C11orf16: variants seen among roughly 807,000 people sequenced by gnomAD.
C11orf16 encodes uncharacterized protein C11orf16.
A neutral mutation model predicts 45.1 loss-of-function variants in C11orf16; 38 were observed. That is an observed-to-expected ratio of 0.84 (90% confidence interval 0.65 to 1.10). C11orf16 has a LOEUF of 1.10. C11orf16 is among the 50% of genes least tolerant of loss of function. The probability of loss-of-function intolerance (pLI) is 0.00; values close to 1 mark genes in which losing one functional copy is unlikely to be tolerated. For synonymous variants in C11orf16, 221 were observed against 222.0 expected (o/e 1.00, Z 0.04); for missense variants, 583 against 569.5 (o/e 1.02, Z -0.24).
rs753919732 is a variant in C11orf16, at chr11:8,925,986, C to A, written c.681G>T (p.Lys227Asn). ...GCCTGGGGTGCTCCCTGGTGAAAGACTTGTGCAGCCTCTCCACAGCCTTCT... is the reference window on the plus strand; with the variant it reads ...GCCTGGGGTGCTCCCTGGTGAAAGAATTGTGCAGCCTCTCCACAGCCTTCT... The part of the protein sequence containing the change: ...IWKKAVERLH[K>N]SFTREHPRPL... Residue 227 changes from lysine (K) to asparagine (N), a missense_variant, in exon 5 of 7, where the codon AAG (lysine) becomes AAT (asparagine). Transcript: ENST00000326053. 1.2e-5 allele frequency: 19 copies of A among 1,613,980 alleles called. No homozygotes were observed. The highest frequency in any genetic ancestry group is 1.6e-5 in the Non-Finnish European group (19 of 1,180,020).
chr11:8,922,149 C>T (rs1228292027), intron 5 of C11orf16, among the ~76,000 whole-genome samples: 1 of 152,180 alleles, frequency 6.6e-6, no homozygotes, highest in East Asian at 1.9e-4. Context: ...GGAGCTTCGA[C>T]ACCTTCACTG....
chr11:8,926,813 G>A, intron 4 of C11orf16, 127 bp downstream of exon 4: 1 of 664,556 alleles, frequency 1.5e-6, no homozygotes, highest in Non-Finnish European at 2.5e-6. Context: ...AGCAAGCAAG[G>A]GGGAAAAATT....
At chr11:8,932,115 T>A in intron 2 of C11orf16, 27 bp downstream of exon 2, 1 of 1,535,078 alleles carries the variant, frequency 6.5e-7, no homozygotes, top group Non-Finnish European at 8.8e-7. Context: ...GGGCATCCAC[T>A]TCCCCCAGAG....
chr11:8,925,980 GAA>G lies in C11orf16; in HGVS notation c.685_686del (p.Phe229HisfsTer26). 6.2e-7 allele frequency: 1 copy of G among 1,614,108 alleles called. No homozygotes were observed. Among genetic ancestry groups the G allele is most frequent in the South Asian group, 1.1e-5 (1 of 91,074 alleles). ...KKAVERLHKS[F>X]TREHPRPLHW... ...GAAGGGGCCTGGGGTGCTCCCTGGTGAAAGACTTGTGCAGCCTCTCCACAGCC... is the reference window on the plus strand; with the variant it reads ...GAAGGGGCCTGGGGTGCTCCCTGGTGAGACTTGTGCAGCCTCTCCACAGCC... On this transcript the variant is annotated frameshift_variant, in exon 5 of 7. Transcript: ENST00000326053. LOFTEE classifies it high-confidence loss of function.
At chr11:8,930,882 T>G (rs1355443302) in intron 2 of C11orf16, among the ~76,000 whole-genome samples, 1 of 152,234 alleles carries the variant, frequency 6.6e-6, no homozygotes, top group East Asian at 1.9e-4. Flanking sequence ...TGTTGGCATC[T>G]AAAGTCCCAT....
In C11orf16 at chr11:8,920,436, A is replaced by G. The variant is rs542397861; in HGVS notation, c.*37T>C. 2.4e-4 allele frequency: 164 copies of G among 678,254 alleles called. No individual in the cohort carries two copies. In the African/African-American group the frequency reaches 2.7e-3, roughly 11 times the overall value. The allele number at this position is 678,254 out of a possible 1,614,324, so 42.0% of individuals were successfully genotyped here. A position where few individuals can be genotyped will look rare whatever the true frequency, so the allele number is the denominator to read the frequency against. On this transcript the variant is annotated 3_prime_UTR_variant, in exon 7 of 7. Coordinates refer to ENST00000326053, the MANE Select transcript of C11orf16 (RefSeq NM_020643.3). ...GTATAACTCTCCTCGAATATTTACC[A>G]TGTTTATTCTTTACCTATAAAAGGG...
In C11orf16 at chr11:8,921,509, C is replaced by G. The variant is rs1394382270; in HGVS notation, c.1211G>C (p.Arg404Thr). Residue 404 changes from arginine to threonine, a missense_variant, in exon 6 of 7, where the codon AGA (arginine) becomes ACA (threonine). Transcript: ENST00000326053. ...TTCTTCTTTGCAGATGTTGGAATATCTTGTTCCTAAACCCAAAAGTCAATT... is the reference window on the plus strand; with the variant it reads ...TTCTTCTTTGCAGATGTTGGAATATGTTGTTCCTAAACCCAAAAGTCAATT... ...PEPCLGKPGTRYSNICKEEKD... is the reference protein window; with the variant it reads ...PEPCLGKPGTTYSNICKEEKD... 1.2e-6 allele frequency: 2 copies of G among 1,614,084 alleles called. No individual in the cohort carries two copies. The highest frequency in any genetic ancestry group is 1.7e-6 in the Non-Finnish European group (2 of 1,180,034).
rs776307559 is a variant in C11orf16, at chr11:8,925,782, T to C, written c.885A>G (p.Leu295=). ...CPPCGTTWWP[L]TRTSEVMARE... ...TGGCCATGACTTCTGAGGTCCTGGT[T>C]AGAGGCCACCAAGTCGTGCCACATG... The change falls in exon 5 of 7, where the codon CTA becomes CTG. Residue 295 remains leucine (L), a synonymous_variant. Coordinates refer to ENST00000326053, the MANE Select transcript of C11orf16 (RefSeq NM_020643.3). 1 of 1,614,216 alleles carries C rather than the reference T, an allele frequency of 6.2e-7. No individual in the cohort carries two copies. Among genetic ancestry groups the C allele is most frequent in the Non-Finnish European group, 8.5e-7 (1 of 1,180,034 alleles).
intron 1 of C11orf16, among the ~76,000 whole-genome samples, chr11:8,932,623 G>T (rs1298352812): frequency 2.6e-5 from 4 of 152,188 alleles, no homozygotes; most frequent in Non-Finnish European, 5.9e-5. Context: ...CTGCTCTCCA[G>T]TTACACTCAG....
At position 8,925,929 on chromosome 11, in the gene C11orf16, T is replaced by C. The variant is rs1216285452; in HGVS notation, c.738A>G (p.Leu246=). 5 of 1,614,024 alleles carry C rather than the reference T, an allele frequency of 3.1e-6. No individual in the cohort carries two copies. The African/African-American group carries it at 4.0e-5, about 13-fold the overall frequency. Residue 246 remains leucine, a synonymous_variant, in exon 5 of 7, where the codon CTA becomes CTG. Coordinates refer to ENST00000326053, the MANE Select transcript of C11orf16 (RefSeq NM_020643.3). ...TAGTGATGCGCCCAGTGATTGGCCC[T>C]AGCAGAGAGCAGCAAGGGGCCCAGT... is the stretch of plus-strand genomic sequence containing the variant. ...PLHWAPCCSL[L]GPITGRITNE...
chr11:8,929,537 G>GAAAAAAAAAA lies in C11orf16; in HGVS notation c.168-5_168-4insTTTTTTTTTT. 6.2e-7 allele frequency: 1 copy of GAAAAAAAAAA among 1,606,606 alleles called. No homozygotes were observed. Among genetic ancestry groups the GAAAAAAAAAA allele is most frequent in the Non-Finnish European group, 8.5e-7 (1 of 1,177,598 alleles). On this transcript the variant is annotated splice_region_variant and splice_polypyrimidine_tract_variant and intron_variant, in intron 2 of 6. Transcript: ENST00000326053. ...ACATGGGCAAGAAGAGGCATGCCTG[G>GAAAAAAAAAA]AAAAAAGCAAATGGAATTAGTGGAT...
intron 1 of C11orf16, 84 bp from the exon 2 acceptor site, chr11:8,932,410 T>A: frequency 8.6e-7 from 1 of 1,162,782 alleles, no homozygotes; most frequent in Non-Finnish European, 1.2e-6. Flanking sequence ...AGCTCTGCAG[T>A]TAGCTGCCTC....
rs1221072799 is a variant in C11orf16 at position 8,926,197 on chromosome 11, T to C, written c.560-90A>G. On this transcript the variant is annotated intron_variant, in intron 4 of 6. Coordinates refer to ENST00000326053, the MANE Select transcript of C11orf16 (RefSeq NM_020643.3). The stretch of plus-strand genomic sequence containing the variant: ...CTTTTTTTCTTTTCTTTTTTTTTTT[T>C]TTTTTTTGAGACAGGGTCTGGCTCA... The C allele has an allele frequency of 1.4e-4, 175 of 1,269,720 alleles. No homozygotes were observed. The East Asian group carries it at 4.4e-3, about 32-fold the overall frequency. 78.7% of individuals were successfully genotyped at this position (1,269,720 alleles called of 1,614,324 possible).
intron 3 of C11orf16, 156 bp downstream of exon 3, chr11:8,929,221 T>C: frequency 2.7e-6 from 2 of 752,736 alleles, no homozygotes; most frequent in South Asian, 2.0e-5. Flanking sequence ...ACTAATACAC[T>C]CAATGGTATT....
intron 2 of C11orf16, among the ~76,000 whole-genome samples, chr11:8,930,499 G>A (rs1211658320): frequency 6.6e-6 from 1 of 151,870 alleles, no homozygotes; most frequent in Non-Finnish European, 1.5e-5. Context: ...CCAGGATGAG[G>A]CGTGGAAGCT....
At chr11:8,927,899 T>A (rs567211781) in intron 3 of C11orf16, among the ~76,000 whole-genome samples, 2 of 152,220 alleles carry the variant, frequency 1.3e-5, no homozygotes, top group Non-Finnish European at 2.9e-5. Context: ...TATTAGTTAC[T>A]TGAAAATTGA....
Position 8,927,133 on chromosome 11 carries a change from A to T in C11orf16, c.366T>A (p.Pro122=), listed in dbSNP as rs3751065. Residue 122 remains proline, a synonymous_variant, in exon 4 of 7, where the codon CCT becomes CCA. Transcript: ENST00000326053. The part of the protein sequence containing the change: ...QGVLLVEFEA[P]LVAGPKLPAQ... ...CTGGCAGCTTTGGGCCTGCGACAAG[A>T]GGAGCCTCGAATTCCACAAGCAGGA... 967,055 of 1,613,438 alleles carry T rather than the reference A, an allele frequency of 0.6. 294,906 individuals are homozygous for T. Among genetic ancestry groups the T allele is most frequent in the East Asian group, 0.73 (32,746 of 44,860 alleles).
intron 5 of C11orf16, among the ~76,000 whole-genome samples, chr11:8,922,424 T>C (rs533446057): frequency 1.3e-5 from 2 of 152,104 alleles, no homozygotes; most frequent in Non-Finnish European, 2.9e-5. Context: ...AGATGTGACT[T>C]CCTGAGGAAT....
intron 1 of C11orf16, 79 bp from the exon 2 acceptor site, chr11:8,932,405 T>G: frequency 8.4e-7 from 1 of 1,186,556 alleles, no homozygotes; most frequent in Non-Finnish European, 1.1e-6. Context: ...GGCTCAGCTC[T>G]GCAGTTAGCT....
Sources: allele counts gnomAD v4.1 joint callset (sites outside exome capture counted in the v4.1 genomes callset), GRCh38; gene constraint gnomAD v4.1.1; transcripts MANE v1.5; gene names NCBI Gene and HGNC (gene_info 2026-07-23, HGNC 2026-07-21).